SLCO6A1: variants seen among roughly 807,000 people sequenced by gnomAD.
The protein encoded by SLCO6A1 is solute carrier organic anion transporter family member 6A1, also known as cancer/testis antigen 48.
SLCO6A1 carries 65 observed loss-of-function variants against 72.7 expected under a neutral mutation model. That is an observed-to-expected ratio of 0.89 (90% confidence interval 0.73 to 1.10). SLCO6A1 has a LOEUF of 1.10. Ranked by LOEUF, SLCO6A1 falls within the 50% of genes least tolerant of loss-of-function variation. SLCO6A1 has a pLI of 0.00. For missense variants in SLCO6A1, 874 were observed against 872.6 expected (o/e 1.00, Z -0.02); for synonymous variants, 314 against 298.2 (o/e 1.05, Z -0.55).
chr5:102,498,963 G>A lies in SLCO6A1; in HGVS notation c.-119C>T. 2 of 937,752 alleles carry A rather than the reference G, an allele frequency of 2.1e-6. No individual in the cohort carries two copies. The highest frequency in any genetic ancestry group is 4.8e-5 in the East Asian group (2 of 41,328). The allele number at this position is 937,752 out of a possible 1,614,324, so 58.1% of individuals were successfully genotyped here. A position where few individuals can be genotyped will look rare whatever the true frequency, so the allele number is the denominator to read the frequency against. On this transcript the variant is annotated 5_prime_UTR_variant, in exon 1 of 14. Coordinates refer to ENST00000506729, the MANE Select transcript of SLCO6A1 (RefSeq NM_173488.5). ...TCGGAGGACTCGGTGGCCACAAGGG[G>A]CTCTTGCCGCCCAAGCCTCCAGAGC... is the stretch of plus-strand genomic sequence containing the variant.
At chr5:102,404,980 C>T (rs1451788671) in intron 9 of SLCO6A1, among the ~76,000 whole-genome samples, 3 of 152,126 alleles carry the variant, frequency 2.0e-5, no homozygotes. Context: ...TACCTCCATA[C>T]ACTGGAGGTA....
intron 6 of SLCO6A1, among the ~76,000 whole-genome samples, chr5:102,453,845 G>A (rs954454058): frequency 6.6e-6 from 1 of 152,004 alleles, no homozygotes; most frequent in African/African-American, 2.4e-5. Context: ...TTTGCTGAGG[G>A]GATCTGTACA....
chr5:102,372,107 T>C lies in SLCO6A1; in HGVS notation c.*32A>G, dbSNP rs1750655963. On this transcript the variant is annotated 3_prime_UTR_variant, in exon 14 of 14. Transcript: ENST00000506729. ...GAAACTCGTTTTCACACTCTGATCC[T>C]CAAATGATCTGCAATCCTGCTGGTT... 1 of 152,070 alleles carries C rather than the reference T, an allele frequency of 6.6e-6. No homozygotes were observed. Among genetic ancestry groups the C allele is most frequent in the Admixed American group, 6.6e-5 (1 of 15,248 alleles). 9.4% of individuals were successfully genotyped at this position (152,070 alleles called of 1,614,324 possible). A position where few individuals can be genotyped will look rare whatever the true frequency, so the allele number is the denominator to read the frequency against.
chr5:102,469,958 A>G (rs1751517531), intron 4 of SLCO6A1, among the ~76,000 whole-genome samples: 1 of 152,130 alleles, frequency 6.6e-6, no homozygotes, highest in African/African-American at 2.4e-5. Flanking sequence ...TGAGTGGATT[A>G]TGTTTATTGA....
chr5:102,453,359 A>T (rs1451689348), intron 6 of SLCO6A1, among the ~76,000 whole-genome samples: 1 of 151,930 alleles, frequency 6.6e-6, no homozygotes. Context: ...AAAAAGAAAG[A>T]AAGAAAGGAA....
chr5:102,383,745 T>G (rs1746252258), intron 12 of SLCO6A1, among the ~76,000 whole-genome samples: 1 of 151,870 alleles, frequency 6.6e-6, no homozygotes, highest in African/African-American at 2.4e-5. Flanking sequence ...TCTCTTCAAT[T>G]TTTTAAAAAG....
chr5:102,462,598 C>A (rs1349402567), intron 4 of SLCO6A1, among the ~76,000 whole-genome samples: 2 of 152,164 alleles, frequency 1.3e-5, no homozygotes, highest in Non-Finnish European at 2.9e-5. Context: ...TTGCAACCAA[C>A]TGAACTTTGA....
At chr5:102,411,906 C>A (rs914969776) in intron 9 of SLCO6A1, among the ~76,000 whole-genome samples, 3 of 152,182 alleles carry the variant, frequency 2.0e-5, no homozygotes, top group Non-Finnish European at 4.4e-5. Context: ...TCTTTCCAAT[C>A]CTGAAGAGGT....
At chr5:102,416,513 G>A (rs1748294096) in intron 8 of SLCO6A1, among the ~76,000 whole-genome samples, 1 of 152,044 alleles carries the variant, frequency 6.6e-6, no homozygotes, top group African/African-American at 2.4e-5. Flanking sequence ...AGTCACAACT[G>A]GGAGCTAAAA....
intron 7 of SLCO6A1, among the ~76,000 whole-genome samples, chr5:102,428,462 C>A (rs1654159051): frequency 6.6e-6 from 1 of 151,836 alleles, no homozygotes; most frequent in Non-Finnish European, 1.5e-5. Context: ...TTCATAACAA[C>A]AAGAATAAAG....
At chr5:102,445,326 C>G (rs568707238) in intron 6 of SLCO6A1, among the ~76,000 whole-genome samples, 13 of 152,106 alleles carry the variant, frequency 8.5e-5, no homozygotes, top group Non-Finnish European at 1.5e-4. Flanking sequence ...ATGAGTGACA[C>G]TGAGCATTTT....
At chr5:102,398,949 G>T (rs1747249870) in intron 10 of SLCO6A1, among the ~76,000 whole-genome samples, 1 of 151,836 alleles carries the variant, frequency 6.6e-6, no homozygotes, top group South Asian at 2.1e-4. Context: ...GTCAGCCTAT[G>T]CAGGCTTTTC....
chr5:102,473,477 A>T (rs1751733767), intron 4 of SLCO6A1, among the ~76,000 whole-genome samples: 1 of 152,030 alleles, frequency 6.6e-6, no homozygotes, highest in African/African-American at 2.4e-5. Flanking sequence ...ACACCTCAAT[A>T]TAGTAAAGGC....
chr5:102,489,618 T>C (rs1201554778), intron 1 of SLCO6A1, among the ~76,000 whole-genome samples: 2 of 152,128 alleles, frequency 1.3e-5, no homozygotes, highest in Non-Finnish European at 2.9e-5. Flanking sequence ...CAAGGATGTA[T>C]AGAAAAGGAA....
chr5:102,413,882 C>T (rs960267355), intron 8 of SLCO6A1, among the ~76,000 whole-genome samples: 9 of 152,084 alleles, frequency 5.9e-5, no homozygotes, highest in African/African-American at 1.4e-4. Context: ...ATCATCTTTC[C>T]ATATATTTCT....
chr5:102,463,043 C>T (rs1377709788), intron 4 of SLCO6A1, among the ~76,000 whole-genome samples: 2 of 152,144 alleles, frequency 1.3e-5, no homozygotes, highest in African/African-American at 4.8e-5. Context: ...GACTAATATC[C>T]AGAATCAACT....
At position 102,373,463 on chromosome 5, in the gene SLCO6A1, G is replaced by C. The variant is rs1384180916; in HGVS notation, c.2049C>G (p.Phe683Leu). 5 of 1,555,458 alleles carry C rather than the reference G, an allele frequency of 3.2e-6. No homozygotes were observed. The highest frequency in any genetic ancestry group is 1.9e-5 in the Admixed American group (1 of 52,080). ...TGTATATGAAAAATGCAATAGTAGT[G>C]AAGATGATAGTGCATAGTTTGCAAA... ...CFLCKLCTII[F>L]TTIAFFIYKR... The change falls in exon 13 of 14, where the codon TTC becomes TTG. Residue 683 changes from phenylalanine (F) to leucine (L), a missense_variant. Physicochemically the swap from Phe to Leu is conservative, Grantham distance 22. Coordinates refer to ENST00000506729, the MANE Select transcript of SLCO6A1 (RefSeq NM_173488.5).
At chr5:102,380,665 T>C (rs950724493) in intron 12 of SLCO6A1, among the ~76,000 whole-genome samples, 5 of 152,036 alleles carry the variant, frequency 3.3e-5, no homozygotes, top group Admixed American at 3.3e-4. Flanking sequence ...CACTATTCAA[T>C]AAAGTAGCCA....
intron 7 of SLCO6A1, among the ~76,000 whole-genome samples, chr5:102,423,305 C>G (rs1748709415): frequency 6.6e-6 from 1 of 151,990 alleles, no homozygotes; most frequent in African/African-American, 2.4e-5. Flanking sequence ...GGCTAAATAC[C>G]CCAATTAATA....
Sources: gnomAD v4.1 joint callset for allele counts (sites outside exome capture counted in the v4.1 genomes callset) on GRCh38, gnomAD v4.1.1 for gene constraint, MANE v1.5 for transcripts, NCBI Gene and HGNC (gene_info 2026-07-23, HGNC 2026-07-21) for gene names.